The following AIG1 variants were observed in gnomAD, a reference collection of about 807,000 sequenced individuals.
The protein encoded by AIG1 is androgen induced 1.
In AIG1, 23 loss-of-function variants were observed where a neutral mutation model predicts 31.4. That is an observed-to-expected ratio of 0.73 (90% CI 0.53 to 1.04). The LOEUF (loss-of-function observed/expected upper bound fraction) is 1.04. AIG1 is among the 50% of genes least tolerant of loss of function. The pLI is 0.00. For missense variants in AIG1, 274 were observed against 295.0 expected, an observed-to-expected ratio of 0.93 and a Z score of 0.52; for synonymous variants, 100 against 110.5, an observed-to-expected ratio of 0.90 and a Z score of 0.60.
At chr6:143,134,641 T>C (rs1172660127) in intron 1 of AIG1, among the ~76,000 whole-genome samples, 1 of 151,978 alleles carries the variant, frequency 6.6e-6, no homozygotes, top group Non-Finnish European at 1.5e-5. Flanking sequence ...AAATAGAGTA[T>C]ATGCATCTTT....
chr6:143,273,091 T>C (rs533190828), intron 3 of AIG1, among the ~76,000 whole-genome samples: 152 of 152,296 alleles, frequency 1.0e-3, no homozygotes, highest in African/African-American at 3.6e-3. Flanking sequence ...ATCATGCCAT[T>C]GCACTCCAGT....
At chr6:143,161,308 G>A (rs1326766186) in intron 2 of AIG1, among the ~76,000 whole-genome samples, 1 of 151,936 alleles carries the variant, frequency 6.6e-6, no homozygotes, top group Non-Finnish European at 1.5e-5. Context: ...AATTGCATAA[G>A]GAATAAATTA....
At chr6:143,180,311 T>C (rs1449273257) in intron 3 of AIG1, among the ~76,000 whole-genome samples, 3 of 152,186 alleles carry the variant, frequency 2.0e-5, no homozygotes, top group African/African-American at 4.8e-5. Flanking sequence ...GTTTTAAAGG[T>C]TGGAAATGGC....
intron 1 of AIG1, among the ~76,000 whole-genome samples, chr6:143,071,735 C>T (rs1281878112): frequency 6.6e-6 from 1 of 150,556 alleles, no homozygotes; most frequent in African/African-American, 2.4e-5. Flanking sequence ...CCCTCTTTCT[C>T]CTCCCCCTCT....
intron 3 of AIG1, among the ~76,000 whole-genome samples, chr6:143,194,130 C>A (rs916749595): frequency 1.3e-5 from 2 of 152,118 alleles, no homozygotes; most frequent in Non-Finnish European, 2.9e-5. Flanking sequence ...CTACTGGAGA[C>A]TAGATAATTT....
intron 1 of AIG1, among the ~76,000 whole-genome samples, chr6:143,069,014 CTT>C (rs572412546): frequency 6.9e-6 from 1 of 144,270 alleles, no homozygotes. Context: ...AAATTTATTC[CTT>C]TTTTTTTTTT....
At chr6:143,145,212 A>G (rs1784602605) in intron 2 of AIG1, among the ~76,000 whole-genome samples, 1 of 152,122 alleles carries the variant, frequency 6.6e-6, no homozygotes. Context: ...TTTTGTAGAC[A>G]TGGGGTTTCA....
chr6:143,196,757 C>CT (rs1203382652), intron 3 of AIG1, among the ~76,000 whole-genome samples: 1 of 151,962 alleles, frequency 6.6e-6, no homozygotes, highest in African/African-American at 2.4e-5. Flanking sequence ...CCCCTGACGT[C>CT]TTTGGAGGTC....
At chr6:143,106,245 C>A (rs1325251179) in intron 1 of AIG1, among the ~76,000 whole-genome samples, 1 of 152,134 alleles carries the variant, frequency 6.6e-6, no homozygotes, top group East Asian at 1.9e-4. Context: ...GATGCTTCTA[C>A]AAGCCAAGGA....
intron 2 of AIG1, among the ~76,000 whole-genome samples, chr6:143,147,600 G>C (rs918480383): frequency 6.6e-6 from 1 of 152,078 alleles, no homozygotes; most frequent in African/African-American, 2.4e-5. Flanking sequence ...TTAGCATTGA[G>C]TCAACAAAGG....
At chr6:143,135,725 C>T (rs1359067593) in intron 1 of AIG1, among the ~76,000 whole-genome samples, 1 of 152,088 alleles carries the variant, frequency 6.6e-6, no homozygotes, top group Non-Finnish European at 1.5e-5. Context: ...ATCCTTCTTC[C>T]CTTGTGAGGA....
intron 4 of AIG1, among the ~76,000 whole-genome samples, chr6:143,289,456 T>C (rs1028125726): frequency 3.3e-5 from 5 of 152,180 alleles, no homozygotes; most frequent in East Asian, 1.9e-4. Flanking sequence ...CCCTAATGGC[T>C]GTGAGTTCCA....
chr6:143,174,784 A>G (rs1449707749), intron 3 of AIG1, among the ~76,000 whole-genome samples: 1 of 152,182 alleles, frequency 6.6e-6, no homozygotes, highest in Non-Finnish European at 1.5e-5. Context: ...TCTTTTAAGT[A>G]GAGGATTTAG....
Position 143,088,658 on chromosome 6 carries a change from G to A in AIG1, c.141+27592G>A, listed in dbSNP as rs149841309. On this transcript the variant is annotated intron_variant, in intron 1 of 5. Transcript: ENST00000357847. ...ACAGAACAAAGACCTCATGTTTCCT[G>A]TTCTTTCTTTGTCCAATACTCATTG... Among the ~76,000 whole-genome samples, 267 of 152,262 alleles carry A rather than the reference G, an allele frequency of 1.8e-3. 1 individual carries two copies. The highest frequency in any genetic ancestry group is 6.2e-3 in the African/African-American group (259 of 41,540).
chr6:143,335,186 A>C (rs1777380181), intron 5 of AIG1: 1 of 1,269,136 alleles, frequency 7.9e-7, no homozygotes, highest in African/African-American at 1.5e-5. Flanking sequence ...CTACCTATCA[A>C]GTTCTGTTAG....
In AIG1 at chr6:143,156,326, G is replaced by T. The variant is rs1037939788; in HGVS notation, c.298-8756G>T. 1.3e-4 allele frequency among the ~76,000 whole-genome samples: 15 copies of T among 116,206 alleles called. 1 individual carries two copies. In the East Asian group the frequency reaches 3.2e-3, roughly 25 times the overall value. The allele number at this position is 116,206 out of a possible 152,430, so 76.2% of individuals were successfully genotyped here. On this transcript the variant is annotated intron_variant, in intron 2 of 5. Transcript: ENST00000357847. ...CAATGGGGTTCTATGGAGCACTTAA[G>T]AACCATGGAGTATCTTCTTAAAATA... is the stretch of plus-strand genomic sequence containing the variant.
intron 1 of AIG1, among the ~76,000 whole-genome samples, chr6:143,109,466 C>T (rs1409714374): frequency 6.6e-6 from 1 of 152,204 alleles, no homozygotes; most frequent in Admixed American, 6.5e-5. Context: ...TAACAATTTA[C>T]ATTCCCTGCA....
chr6:143,337,679 A>C (rs148557793), intron 5 of AIG1, among the ~76,000 whole-genome samples: 1 of 152,162 alleles, frequency 6.6e-6, no homozygotes, highest in Non-Finnish European at 1.5e-5. Context: ...GGAGACGTCT[A>C]TGTGTGCAGA....
intron 3 of AIG1, among the ~76,000 whole-genome samples, chr6:143,241,644 A>G (rs1404294149): frequency 3.9e-5 from 6 of 152,222 alleles, no homozygotes; most frequent in Non-Finnish European, 8.8e-5. Context: ...TACTCAGGAA[A>G]ACCCTGTGGG....
Sources: allele counts gnomAD v4.1 joint callset (sites outside exome capture counted in the v4.1 genomes callset), GRCh38; gene constraint gnomAD v4.1.1; transcripts MANE v1.5; gene names NCBI Gene and HGNC (gene_info 2026-07-23, HGNC 2026-07-21).